NACC2: variants seen among roughly 807,000 people sequenced by gnomAD.
NACC2 encodes NACC family member 2, also known as nucleus accumbens-associated protein 2.
A neutral mutation model predicts 25.1 loss-of-function variants in NACC2; 8 were observed. The observed-to-expected ratio is 0.32, with a 90% CI of 0.19 to 0.57. The LOEUF is 0.57. Ranked by LOEUF, NACC2 falls within the 20% of genes least tolerant of loss-of-function variation. The pLI, the probability that NACC2 is intolerant of heterozygous loss-of-function variation, is 0.89. For missense variants in NACC2, 644 were observed against 650.2 expected (o/e 0.99, Z 0.10); for synonymous variants, 435 against 294.7 (o/e 1.48, Z -4.88).
At chr9:136,087,365 T>C (rs1830389763) in intron 1 of NACC2, among the ~76,000 whole-genome samples, 1 of 152,126 alleles carries the variant, frequency 6.6e-6, no homozygotes, top group South Asian at 2.1e-4. Context: ...CCCAGGGTGC[T>C]GGAAAAGCCC....
At chr9:136,077,325 G>A (rs1038843207) in intron 1 of NACC2, among the ~76,000 whole-genome samples, 6 of 152,206 alleles carry the variant, frequency 3.9e-5, no homozygotes, top group Non-Finnish European at 7.4e-5. Context: ...GCAAGACTCC[G>A]TCTCAAAAAA....
At chr9:136,053,436 C>A (rs1198228732) in intron 1 of NACC2, among the ~76,000 whole-genome samples, 2 of 152,168 alleles carry the variant, frequency 1.3e-5, no homozygotes, top group Admixed American at 1.3e-4. Context: ...AACGTCCCCA[C>A]TCGGCCATGC....
chr9:136,044,566 T>A (rs1184338784), intron 2 of NACC2, among the ~76,000 whole-genome samples: 2 of 152,042 alleles, frequency 1.3e-5, no homozygotes, highest in Non-Finnish European at 2.9e-5. Context: ...CACCCTCTGC[T>A]CCCTGGGTGG....
intron 3 of NACC2, among the ~76,000 whole-genome samples, chr9:136,014,570 G>A (rs1840170015): frequency 6.6e-6 from 1 of 152,152 alleles, no homozygotes; most frequent in Non-Finnish European, 1.5e-5. Context: ...ATTACAGGAG[G>A]AGGGGCACTG....
At position 136,020,102 on chromosome 9, in the gene NACC2, C is replaced by T. The variant is rs774694094; in HGVS notation, c.887-3673G>A. Among the ~76,000 whole-genome samples, 11 of 152,152 alleles carry T rather than the reference C, an allele frequency of 7.2e-5. No homozygotes were observed. The highest frequency in any genetic ancestry group is 1.0e-4 in the Non-Finnish European group (7 of 68,022). ...TGATGCTCACAAAACAGTGGGAATG[C>T]GCTTAGCATCACCGAACCACGCACG... is the stretch of plus-strand genomic sequence containing the variant. On this transcript the variant is annotated intron_variant, in intron 2 of 5. Coordinates refer to ENST00000277554, the MANE Select transcript of NACC2 (RefSeq NM_144653.5). This position sits in a 1 kb window ranked among gnomAD's most constrained non-coding sequence, Gnocchi z 4.7.
chr9:136,074,387 A>C, intron 1 of NACC2, among the ~76,000 whole-genome samples: 1 of 143,666 alleles, frequency 7.0e-6, no homozygotes, highest in African/African-American at 2.6e-5. Context: ...CGGGAGGCGG[A>C]GCTTGCAGTG....
intron 1 of NACC2, among the ~76,000 whole-genome samples, chr9:136,078,134 TAC>T (rs1400006824): frequency 2.0e-5 from 3 of 152,142 alleles, no homozygotes; most frequent in South Asian, 2.1e-4. Context: ...TGCACGAGTT[TAC>T]AGACACAGTG....
chr9:136,049,185 T>C (rs1475349807), intron 2 of NACC2, among the ~76,000 whole-genome samples: 1 of 152,218 alleles, frequency 6.6e-6, no homozygotes, highest in Non-Finnish European at 1.5e-5. Context: ...GGGCGCTTCC[T>C]GGCCCATCCC....
intron 1 of NACC2, among the ~76,000 whole-genome samples, chr9:136,093,049 C>T (rs1031302030): frequency 2.0e-5 from 3 of 152,148 alleles, no homozygotes; most frequent in East Asian, 1.9e-4. Flanking sequence ...GTGCCCTGTG[C>T]GTTCCAGGGA....
intron 2 of NACC2, among the ~76,000 whole-genome samples, chr9:136,041,095 A>AAGG (rs1554738679): frequency 1.4e-5 from 2 of 146,450 alleles, no homozygotes; most frequent in African/African-American, 2.5e-5. Context: ...GAAGCAAAGG[A>AAGG]AAGGAAAGGA....
At chr9:136,080,749 G>A (rs568810167) in intron 1 of NACC2, among the ~76,000 whole-genome samples, 7 of 152,288 alleles carry the variant, frequency 4.6e-5, no homozygotes, top group African/African-American at 1.4e-4. Flanking sequence ...ACGTGGAGAC[G>A]GGGGGCCGTG....
At position 136,084,572 on chromosome 9, in the gene NACC2, A is replaced by G. The variant is rs2131188275; in HGVS notation, c.-60+10617T>C. On this transcript the variant is annotated intron_variant, in intron 1 of 5. Transcript: ENST00000277554. This position sits in a 1 kb window ranked among gnomAD's most constrained non-coding sequence, Gnocchi z 5.1. ...AGTCAGGGTCACGAAGGCCATGGAA[A>G]GGCCACAGAATACACCAGGCTGGAA... Among the ~76,000 whole-genome samples, 1 of 152,360 alleles carries G rather than the reference A, an allele frequency of 6.6e-6. No homozygotes were observed. The highest frequency in any genetic ancestry group is 1.9e-4 in the East Asian group (1 of 5,190).
chr9:136,078,969 C>T (rs563969538), intron 1 of NACC2, among the ~76,000 whole-genome samples: 9 of 151,770 alleles, frequency 5.9e-5, no homozygotes, highest in African/African-American at 1.9e-4. Flanking sequence ...CATGATGCCG[C>T]GCCGCCGCCG....
At chr9:136,079,659 G>A (rs187985681) in intron 1 of NACC2, among the ~76,000 whole-genome samples, 112 of 152,320 alleles carry the variant, frequency 7.4e-4, no homozygotes, top group Admixed American at 6.7e-3. Flanking sequence ...GGGCCCTGCC[G>A]TGGCCGGCAC....
Position 136,020,416 on chromosome 9 carries a change from CA to C in NACC2, c.887-3988del, listed in dbSNP as rs1393010778. ...TTCCTGTCCCCAAGGCAGAGTGTGT[CA>C]TCGGGGACTCGCCCAGGTGACACCA... On this transcript the variant is annotated intron_variant, in intron 2 of 5. Transcript: ENST00000277554. The surrounding 1 kb of genome is among the most constrained non-coding windows in gnomAD (Gnocchi z 4.7). 3.2e-4 allele frequency among the ~76,000 whole-genome samples: 48 copies of C among 152,144 alleles called. No individual in the cohort carries two copies. Among genetic ancestry groups the C allele is most frequent in the African/African-American group, 1.2e-3 (48 of 41,436 alleles).
At chr9:136,033,135 C>T (rs1226180978) in intron 2 of NACC2, among the ~76,000 whole-genome samples, 1 of 151,738 alleles carries the variant, frequency 6.6e-6, no homozygotes, top group Non-Finnish European at 1.5e-5. Context: ...AAGATCATGC[C>T]ATTGCACTCC....
intron 2 of NACC2, among the ~76,000 whole-genome samples, chr9:136,021,659 T>C (rs1840296370): frequency 6.6e-6 from 1 of 152,180 alleles, no homozygotes; most frequent in Admixed American, 6.5e-5. Flanking sequence ...CAGGAACGCT[T>C]ATCCCGTCTC....
At chr9:136,051,467 C>T (rs1197559270) in intron 1 of NACC2, among the ~76,000 whole-genome samples, 1 of 152,180 alleles carries the variant, frequency 6.6e-6, no homozygotes, top group Non-Finnish European at 1.5e-5. Flanking sequence ...GACCCCGGGG[C>T]TGGGAGCTGG....
chr9:136,024,327 AGT>A (rs1249639203), intron 2 of NACC2, among the ~76,000 whole-genome samples: 18 of 110,302 alleles, frequency 1.6e-4, no homozygotes, highest in South Asian at 3.3e-4. Flanking sequence ...GTGAGGACAG[AGT>A]GTGTGTGTGT....
Sources: gnomAD v4.1 joint callset for allele counts (sites outside exome capture counted in the v4.1 genomes callset) on GRCh38, gnomAD v4.1.1 for gene constraint, Gnocchi (gnomAD v3.1) non-coding constraint, MANE v1.5 for transcripts, NCBI Gene and HGNC (gene_info 2026-07-23, HGNC 2026-07-21) for gene names.